GUCY1A2: variants seen among roughly 807,000 people sequenced by gnomAD.
GUCY1A2 encodes the protein guanylate cyclase soluble subunit alpha-2.
Under a neutral mutation model 63.5 loss-of-function variants are expected in GUCY1A2, and 27 were observed. The ratio of observed to expected loss-of-function variants is 0.43; its 90% CI spans 0.31 to 0.59. The LOEUF (loss-of-function observed/expected upper bound fraction) is 0.59. Ranked by LOEUF, GUCY1A2 falls within the 20% of genes least tolerant of loss-of-function variation. The probability of loss-of-function intolerance (pLI) is 0.11; values close to 1 mark genes in which losing one functional copy is unlikely to be tolerated. For synonymous variants in GUCY1A2, 364 were observed against 343.5 expected, an observed-to-expected ratio of 1.06 and a Z score of -0.66; for missense variants, 768 against 913.3, an observed-to-expected ratio of 0.84 and a Z score of 2.05.
rs1397340606 is a variant in GUCY1A2 at position 106,675,329 on chromosome 11, A to G, written c.*12220T>C. 5.1e-6 allele frequency: 1 copy of G among 197,430 alleles called. No homozygotes were observed. The highest frequency in any genetic ancestry group is 1.0e-5 in the Non-Finnish European group (1 of 95,512). The allele number at this position is 197,430 out of a possible 1,614,324, so 12.2% of individuals were successfully genotyped here. A position where few individuals can be genotyped will look rare whatever the true frequency, so the allele number is the denominator to read the frequency against. The stretch of plus-strand genomic sequence containing the variant: ...TCCATCCAACTTGAAGAAAAATCAG[A>G]AAGTATTTTTCTCCATGGACCATTA... On this transcript the variant is annotated 3_prime_UTR_variant, in exon 8 of 8. Transcript: ENST00000526355.
chr11:106,969,470 T>G (rs1473215099), intron 3 of GUCY1A2, among the ~76,000 whole-genome samples: 3 of 152,108 alleles, frequency 2.0e-5, no homozygotes, highest in African/African-American at 4.8e-5. Context: ...GGGAAATAAT[T>G]CATTTACTTA....
chr11:106,986,541 G>A (rs141858139), intron 1 of GUCY1A2, among the ~76,000 whole-genome samples: 22 of 152,224 alleles, frequency 1.4e-4, no homozygotes, highest in African/African-American at 5.3e-4. Flanking sequence ...AAATCAAATG[G>A]CACGTCTTCA....
At chr11:106,901,383 A>T (rs534525409) in intron 4 of GUCY1A2, among the ~76,000 whole-genome samples, 32 of 151,998 alleles carry the variant, frequency 2.1e-4, no homozygotes, top group Non-Finnish European at 1.9e-4. Context: ...TGAGAACTGA[A>T]ATCAATGCCT....
Position 106,978,685 on chromosome 11 carries a change from C to T in GUCY1A2, c.421G>A (p.Asp141Asn). ...TCAATTTCTTCTTTGTTGGAGTGGTCTGCATAGGAGCATCTGTTAGAGATA... is the reference window on the plus strand; with the variant it reads ...TCAATTTCTTCTTTGTTGGAGTGGTTTGCATAGGAGCATCTGTTAGAGATA... ...HNISNRCSYA[D>N]HSNKEEIEDV... Residue 141 changes from aspartate to asparagine, a missense_variant, in exon 3 of 8, where the codon GAC (aspartate) becomes AAC (asparagine). Around this residue, in one of 3 missense-constraint regions of GUCY1A2, gnomAD observed 496 missense variants for 486.9 expected, o/e 1.02. Transcript: ENST00000526355. 1 of 1,582,692 alleles carries T rather than the reference C, an allele frequency of 6.3e-7. No homozygotes were observed.
At chr11:106,710,116 T>C (rs1333535244) in intron 6 of GUCY1A2, among the ~76,000 whole-genome samples, 1 of 101,496 alleles carries the variant, frequency 9.9e-6, no homozygotes, top group East Asian at 3.3e-4. Context: ...TATATACATG[T>C]ATATAATATA....
In GUCY1A2 at chr11:106,939,512, G is replaced by C. The variant is rs777713959; in HGVS notation, c.1154C>G (p.Pro385Arg). ...CTCAGGCTTGGTTCTAATCACAAAC[G>C]GGGTAGACAGTCGCAGCAGGACCCT... is the stretch of plus-strand genomic sequence containing the variant. ...FERVLLRLST[P>R]FVIRTKPEAS... The change falls in exon 4 of 8, where the codon CCG (proline) becomes CGG (arginine). Residue 385 changes from proline to arginine, a missense_variant. Pro to Arg is a moderately radical substitution (Grantham distance 103, BLOSUM62 -2). This residue lies in a region of GUCY1A2 where 496 missense variants were observed against 486.9 expected (regional missense o/e 1.02). Coordinates refer to ENST00000526355, the MANE Select transcript of GUCY1A2 (RefSeq NM_000855.3). The C allele has an allele frequency of 1.2e-6, 2 of 1,611,936 alleles. No individual in the cohort carries two copies. Among genetic ancestry groups the C allele is most frequent in the Non-Finnish European group, 1.7e-6 (2 of 1,178,308 alleles).
intron 4 of GUCY1A2, among the ~76,000 whole-genome samples, chr11:106,862,376 TAAATGGTAGCTGATATC>T (rs1859525282): frequency 5.3e-5 from 8 of 152,036 alleles, no homozygotes; most frequent in Admixed American, 5.3e-4. Context: ...ACAAGGAGGT[TAAATGGTAGCTGATATC>T]ATCATCATCA....
At chr11:106,782,645 G>A (rs1355392519) in intron 5 of GUCY1A2, among the ~76,000 whole-genome samples, 1 of 152,182 alleles carries the variant, frequency 6.6e-6, no homozygotes, top group Non-Finnish European at 1.5e-5. Flanking sequence ...CTTCTCCAAT[G>A]GTTGGCCAAG....
chr11:106,709,230 A>C (rs1168905449), intron 6 of GUCY1A2, among the ~76,000 whole-genome samples: 1 of 111,542 alleles, frequency 9.0e-6, no homozygotes, highest in East Asian at 2.5e-4. Context: ...AGTTATTAAT[A>C]ATTGTATACT....
intron 4 of GUCY1A2, among the ~76,000 whole-genome samples, chr11:106,874,468 G>A (rs11211956): frequency 0.16 from 24,366 of 152,092 alleles, 2,364 homozygotes; most frequent in East Asian, 0.28. Context: ...TTATGTCACA[G>A]TCTCAAAGCA....
intron 6 of GUCY1A2, among the ~76,000 whole-genome samples, chr11:106,772,170 G>A (rs375174153): frequency 2.6e-5 from 4 of 152,072 alleles, no homozygotes; most frequent in South Asian, 4.1e-4. Flanking sequence ...AATTGTATAT[G>A]ACAATTTTGG....
intron 4 of GUCY1A2, among the ~76,000 whole-genome samples, chr11:106,900,890 T>TGTA (rs372229898): frequency 8.5e-4 from 129 of 152,328 alleles, no homozygotes; most frequent in Middle Eastern, 6.8e-3. Context: ...CTTCTGCTGG[T>TGTA]GTAGGTTTTG....
rs943890099 is a variant in GUCY1A2 at position 106,676,445 on chromosome 11, G to C, written c.*11104C>G. ...ATTCTGGTGAATACTCAAAATTGTA[G>C]CTAAAAACAGCTATCTGAATATAGG... On this transcript the variant is annotated 3_prime_UTR_variant, in exon 8 of 8. Transcript: ENST00000526355. 4.3e-5 allele frequency: 8 copies of C among 185,742 alleles called. No homozygotes were observed. The highest frequency in any genetic ancestry group is 6.8e-5 in the Non-Finnish European group (6 of 88,114). 11.5% of individuals were successfully genotyped at this position (185,742 alleles called of 1,614,324 possible).
intron 6 of GUCY1A2, among the ~76,000 whole-genome samples, chr11:106,766,589 A>T (rs576645776): frequency 5.1e-4 from 77 of 152,080 alleles, no homozygotes; most frequent in African/African-American, 1.8e-3. Flanking sequence ...AGATTAAATA[A>T]TTTTTAAACT....
intron 6 of GUCY1A2, among the ~76,000 whole-genome samples, chr11:106,766,110 A>G (rs1222463553): frequency 6.6e-6 from 1 of 152,176 alleles, no homozygotes; most frequent in East Asian, 1.9e-4. Context: ...TATGCCTGAC[A>G]TGACATCAAC....
intron 5 of GUCY1A2, among the ~76,000 whole-genome samples, chr11:106,792,763 A>T (rs879740780): frequency 1.3e-5 from 2 of 152,144 alleles, no homozygotes; most frequent in Non-Finnish European, 2.9e-5. Context: ...AAAAGAAATT[A>T]AGAAAATGAT....
chr11:106,945,941 G>C (rs1489034826), intron 3 of GUCY1A2, among the ~76,000 whole-genome samples: 1 of 152,046 alleles, frequency 6.6e-6, no homozygotes, highest in Non-Finnish European at 1.5e-5. Context: ...CTCCAGCCTG[G>C]GCAACAAGAG....
rs1372369108 is a variant in GUCY1A2 at position 106,810,147 on chromosome 11, T to C, written c.1538A>G (p.Gln513Arg). 1 of 1,613,970 alleles carries C rather than the reference T, an allele frequency of 6.2e-7. No homozygotes were observed. Among genetic ancestry groups the C allele is most frequent in the African/African-American group, 1.3e-5 (1 of 75,050 alleles). ...GGTGACATCATCAAACTTTCTGGCCTGTACTTGCTGCCCTTGCCATAATTG... is the reference window on the plus strand; with the variant it reads ...GGTGACATCATCAAACTTTCTGGCCCGTACTTGCTGCCCTTGCCATAATTG... ...AQQLWQGQQV[Q>R]ARKFDDVTML... The change falls in exon 5 of 8, where the codon CAG becomes CGG. Residue 513 changes from glutamine to arginine, a missense_variant. By Grantham distance (43) the Gln-to-Arg change is conservative (BLOSUM62 1). This residue lies in a region of GUCY1A2 where 122 missense variants were observed against 238.1 expected (regional missense o/e 0.51). Transcript: ENST00000526355.
At chr11:106,823,697 T>C (rs945325519) in intron 4 of GUCY1A2, among the ~76,000 whole-genome samples, 1 of 152,130 alleles carries the variant, frequency 6.6e-6, no homozygotes, top group African/African-American at 2.4e-5. Flanking sequence ...ACCAACAGTG[T>C]GTTCCTTTTC....
Sources: gnomAD v4.1 joint callset for allele counts (sites outside exome capture counted in the v4.1 genomes callset) on GRCh38, gnomAD v4.1.1 for gene constraint, gnomAD v4.1.1 regional missense constraint, MANE v1.5 for transcripts, NCBI Gene and HGNC (gene_info 2026-07-23, HGNC 2026-07-21) for gene names.